The following ADAMTS20 variants were observed in gnomAD, a reference collection of about 807,000 sequenced individuals.
The protein encoded by ADAMTS20 is ADAM metallopeptidase with thrombospondin type 1 motif 20, also known as A disintegrin and metalloproteinase with thrombospondin motifs 20.
A neutral mutation model predicts 260.1 loss-of-function variants in ADAMTS20; 225 were observed. That is an observed-to-expected ratio of 0.87 (90% CI 0.78 to 0.97). ADAMTS20 has a LOEUF of 0.97. Among genes scored for constraint, ADAMTS20 ranks in the 50% least tolerant of loss-of-function variants. The pLI is 0.00. For missense variants in ADAMTS20, 2,400 were observed against 2,337.7 expected (o/e 1.03, Z -0.55); for synonymous variants, 802 against 769.5 (o/e 1.04, Z -0.70).
chr12:43,356,725 C>G lies in ADAMTS20; in HGVS notation c.5539-137G>C. ...TGTGGAGAAGTAACTCTGCCCAACTCTAGGACTCTATGATTCGACAATTAG... is the reference window on the plus strand; with the variant it reads ...TGTGGAGAAGTAACTCTGCCCAACTGTAGGACTCTATGATTCGACAATTAG... On this transcript the variant is annotated intron_variant, in intron 37 of 38. Coordinates refer to ENST00000389420, the MANE Select transcript of ADAMTS20 (RefSeq NM_025003.5). 2 of 583,890 alleles carry G rather than the reference C, an allele frequency of 3.4e-6. 1 individual carries two copies. The highest frequency in any genetic ancestry group is 5.0e-5 in the South Asian group (2 of 40,162). 36.2% of individuals were successfully genotyped at this position (583,890 alleles called of 1,614,324 possible).
intron 11 of ADAMTS20, among the ~76,000 whole-genome samples, chr12:43,460,831 T>G (rs1348718675): frequency 6.6e-6 from 1 of 150,698 alleles, no homozygotes; most frequent in African/African-American, 2.4e-5. Flanking sequence ...CCCATTCCAC[T>G]CCTTCAAAAA....
intron 29 of ADAMTS20, among the ~76,000 whole-genome samples, chr12:43,394,131 C>G (rs750589233): frequency 1.4e-4 from 21 of 152,012 alleles, no homozygotes; most frequent in Non-Finnish European, 2.5e-4. Flanking sequence ...AATGCCAATC[C>G]AGCACCCTAA....
In ADAMTS20 at chr12:43,354,004, T is replaced by C. The variant is rs1235983786; in HGVS notation, c.*205A>G. 1 of 383,832 alleles carries C rather than the reference T, an allele frequency of 2.6e-6. No individual in the cohort carries two copies. The highest frequency in any genetic ancestry group is 4.7e-6 in the Non-Finnish European group (1 of 213,868). 23.8% of individuals were successfully genotyped at this position (383,832 alleles called of 1,614,324 possible). A position where few individuals can be genotyped will look rare whatever the true frequency, so the allele number is the denominator to read the frequency against. ...CTTTAAAAAATATCCTGATTAGATA[T>C]AAAATAAATTAAGATAGCTCTTAAA... is the stretch of plus-strand genomic sequence containing the variant. On this transcript the variant is annotated 3_prime_UTR_variant, in exon 39 of 39. Coordinates refer to ENST00000389420, the MANE Select transcript of ADAMTS20 (RefSeq NM_025003.5).
At chr12:43,440,139 CTTTTTTTTT>C (rs35606718) in intron 16 of ADAMTS20, 70 bp from the exon 17 acceptor site, 4 of 556,134 alleles carry the variant, frequency 7.2e-6, no homozygotes, top group Admixed American at 4.1e-5. Context: ...ACTTGTTTAA[CTTTTTTTTT>C]TTTTTTTTTT....
chr12:43,483,617 G>C (rs1190080859), intron 7 of ADAMTS20, among the ~76,000 whole-genome samples: 1 of 152,114 alleles, frequency 6.6e-6, no homozygotes, highest in Non-Finnish European at 1.5e-5. Context: ...ATGAAATGAG[G>C]TGTTTGTCTG....
At chr12:43,421,948 T>C (rs1449971265) in intron 28 of ADAMTS20, among the ~76,000 whole-genome samples, 1 of 151,956 alleles carries the variant, frequency 6.6e-6, no homozygotes, top group Non-Finnish European at 1.5e-5. Flanking sequence ...TTCCTTATAT[T>C]AATAATATAA....
intron 28 of ADAMTS20, among the ~76,000 whole-genome samples, chr12:43,424,100 CA>C (rs1941286078): frequency 6.6e-6 from 1 of 151,966 alleles, no homozygotes. Flanking sequence ...GAGCAGGCAT[CA>C]AGGGTTGGTT....
At position 43,414,439 on chromosome 12, in the gene ADAMTS20, T is replaced by A. The variant is rs1037005594; in HGVS notation, c.4284+11075A>T. Among the ~76,000 whole-genome samples, 6 of 152,226 alleles carry A rather than the reference T, an allele frequency of 3.9e-5. No homozygotes were observed. In the East Asian group the frequency reaches 1.2e-3, roughly 29 times the overall value. ...AAGACTGAAATGAAAAGGTGATACATCCTTCAATACATATATTTAACAGGG... is the reference window on the plus strand; with the variant it reads ...AAGACTGAAATGAAAAGGTGATACAACCTTCAATACATATATTTAACAGGG... On this transcript the variant is annotated intron_variant, in intron 28 of 38. Transcript: ENST00000389420.
intron 4 of ADAMTS20, among the ~76,000 whole-genome samples, chr12:43,501,506 T>TCACACACACACACAC (rs1491581398): frequency 1.4e-3 from 99 of 71,382 alleles, no homozygotes; most frequent in Middle Eastern, 7.8e-3. Flanking sequence ...CACACACATG[T>TCACACACACACACAC]AAGGATGAAG....
At chr12:43,445,840 G>T (rs1298611937) in intron 15 of ADAMTS20, among the ~76,000 whole-genome samples, 2 of 151,984 alleles carry the variant, frequency 1.3e-5, no homozygotes, top group African/African-American at 4.8e-5. Flanking sequence ...CAACAGAGTA[G>T]CACCCTGTCT....
chr12:43,453,823 C>T (rs568729781), intron 12 of ADAMTS20, 84 bp downstream of exon 12: 4 of 1,460,614 alleles, frequency 2.7e-6, no homozygotes, highest in Non-Finnish European at 3.7e-6. Flanking sequence ...GACTGACCTC[C>T]AGTTTTAGAA....
At chr12:43,439,480 A>C in intron 18 of ADAMTS20, 142 bp downstream of exon 18, 1 of 974,904 alleles carries the variant, frequency 1.0e-6, no homozygotes, top group Non-Finnish European at 1.5e-6. Flanking sequence ...GAAAGGAAAA[A>C]AAGATTGAAA....
intron 36 of ADAMTS20, among the ~76,000 whole-genome samples, chr12:43,372,602 C>T (rs974982045): frequency 5.3e-5 from 8 of 152,018 alleles, no homozygotes; most frequent in Admixed American, 2.0e-4. Flanking sequence ...GTGATTATGA[C>T]GAAAGAAATA....
intron 4 of ADAMTS20, among the ~76,000 whole-genome samples, chr12:43,497,931 A>C (rs999114393): frequency 5.3e-5 from 8 of 152,130 alleles, no homozygotes; most frequent in Non-Finnish European, 1.2e-4. Context: ...TAAATATTTA[A>C]GGTCTATTAA....
chr12:43,527,223 A>C (rs1943155131), intron 3 of ADAMTS20, among the ~76,000 whole-genome samples: 1 of 152,196 alleles, frequency 6.6e-6, no homozygotes, highest in Non-Finnish European at 1.5e-5. Flanking sequence ...CGACAAGCCC[A>C]GGGCCAGATA....
chr12:43,498,630 T>A (rs2137440467), intron 4 of ADAMTS20, among the ~76,000 whole-genome samples: 1 of 152,324 alleles, frequency 6.6e-6, no homozygotes, highest in East Asian at 1.9e-4. Context: ...CCTGAACAGC[T>A]CCTTCCTAAA....
At chr12:43,491,537 A>G (rs1298463007) in intron 6 of ADAMTS20, among the ~76,000 whole-genome samples, 1 of 152,174 alleles carries the variant, frequency 6.6e-6, no homozygotes, top group African/African-American at 2.4e-5. Flanking sequence ...TCAACCAAAT[A>G]TCAAACCTAG....
intron 3 of ADAMTS20, among the ~76,000 whole-genome samples, chr12:43,529,300 G>A (rs1175988884): frequency 6.6e-6 from 1 of 152,088 alleles, no homozygotes; most frequent in East Asian, 1.9e-4. Flanking sequence ...TATGATGACT[G>A]GGCATCTACC....
At chr12:43,366,063 C>A (rs1481227823) in intron 37 of ADAMTS20, among the ~76,000 whole-genome samples, 1 of 151,710 alleles carries the variant, frequency 6.6e-6, no homozygotes, top group East Asian at 1.9e-4. Flanking sequence ...TTAAAAAAAT[C>A]CAATCAAAGG....
Sources: gnomAD v4.1 joint callset for allele counts (sites outside exome capture counted in the v4.1 genomes callset) on GRCh38, gnomAD v4.1.1 for gene constraint, MANE v1.5 for transcripts, NCBI Gene and HGNC (gene_info 2026-07-23, HGNC 2026-07-21) for gene names.